PRSS55: variants seen among roughly 807,000 people sequenced by gnomAD.
The protein encoded by PRSS55 is probable serine protease UNQ9391/PRO34284.
A neutral mutation model predicts 23.6 loss-of-function variants in PRSS55; 41 were observed. The observed-to-expected ratio is 1.74, with a 90% confidence interval of 1.35 to 2.26. The LOEUF is 2.26. Ranked by LOEUF, PRSS55 falls within the 30% of genes most tolerant of loss-of-function variation. The pLI is 0.00. For synonymous variants in PRSS55, 262 were observed against 175.5 expected (o/e 1.49, Z -3.90); for missense variants, 669 against 439.1 (o/e 1.52, Z -4.68).
chr8:10,540,860 G>C (rs1812636014), downstream of PRSS55: 1 of 152,286 alleles, frequency 6.6e-6, no homozygotes, highest in East Asian at 1.9e-4. Flanking sequence ...AGGCCCAGTG[G>C]AGGGTGGCCA....
downstream of PRSS55, among the ~76,000 whole-genome samples, chr8:10,543,192 A>G (rs1489683046): frequency 1.3e-5 from 2 of 151,950 alleles, no homozygotes; most frequent in Non-Finnish European, 2.9e-5. Context: ...AAGTCCCAGA[A>G]CTTCACCTGG....
chr8:10,531,670 C>A, intron 3 of PRSS55, 125 bp downstream of exon 3: 1 of 1,382,400 alleles, frequency 7.2e-7, no homozygotes, highest in Non-Finnish European at 9.7e-7. Flanking sequence ...TGGAGTCTCA[C>A]AGTGCCCAAA....
Position 10,529,625 on chromosome 8 carries a change from T to G in PRSS55, c.273T>G (p.Pro91=). 6.2e-7 allele frequency: 1 copy of G among 1,614,202 alleles called. No individual in the cohort carries two copies. The highest frequency in any genetic ancestry group is 8.5e-7 in the Non-Finnish European group (1 of 1,180,022). Reference sequence around the variant, plus strand: ...TGAGTATTCAGGCAAGAAGTGAACCTTTCTGTGGCGGCTCCATCCTCAACA... The same window carrying G: ...TGAGTATTCAGGCAAGAAGTGAACCGTTCTGTGGCGGCTCCATCCTCAACA... ...WQVSIQARSE[P]FCGGSILNKW... Residue 91 remains proline (P), a synonymous_variant, in exon 2 of 5, where the codon CCT becomes CCG. Coordinates refer to ENST00000328655, the MANE Select transcript of PRSS55 (RefSeq NM_198464.4).
intron 4 of PRSS55, among the ~76,000 whole-genome samples, chr8:10,544,777 T>G (rs1222491133): frequency 1.3e-5 from 2 of 152,248 alleles, no homozygotes; most frequent in Admixed American, 1.3e-4. Flanking sequence ...AGATCAAAAC[T>G]TTCTTCCTAC....
At chr8:10,530,553 C>G (rs1281934358) in intron 2 of PRSS55, among the ~76,000 whole-genome samples, 1 of 152,030 alleles carries the variant, frequency 6.6e-6, no homozygotes, top group Non-Finnish European at 1.5e-5. Flanking sequence ...AATGAATAGC[C>G]CTCGTTTATA....
At chr8:10,530,273 G>C (rs571517616) in intron 2 of PRSS55, among the ~76,000 whole-genome samples, 1 of 152,048 alleles carries the variant, frequency 6.6e-6, no homozygotes. Context: ...TCAGGAGTTC[G>C]AGACTGGCCT....
chr8:10,537,904 G>T (rs1444917270), intron 4 of PRSS55, among the ~76,000 whole-genome samples: 2 of 152,164 alleles, frequency 1.3e-5, no homozygotes, highest in African/African-American at 2.4e-5. Flanking sequence ...GTGGGGCATG[G>T]CAGGGACTTG....
intron 4 of PRSS55, among the ~76,000 whole-genome samples, chr8:10,552,654 G>A (rs886562809): frequency 6.6e-6 from 1 of 152,166 alleles, no homozygotes; most frequent in Non-Finnish European, 1.5e-5. Context: ...CACATAAGTG[G>A]CTAAATGAAA....
chr8:10,529,237 A>G (rs528977316), intron 1 of PRSS55, among the ~76,000 whole-genome samples: 1 of 152,308 alleles, frequency 6.6e-6, no homozygotes, highest in East Asian at 1.9e-4. Context: ...AGCTCAGTGA[A>G]GTGACTCTCC....
intron 4 of PRSS55, among the ~76,000 whole-genome samples, chr8:10,534,190 C>T (rs188171303): frequency 1.8e-4 from 28 of 152,178 alleles, no homozygotes; most frequent in African/African-American, 6.5e-4. Flanking sequence ...ACGGAGTAAA[C>T]ACAATTCTCC....
chr8:10,554,101 G>C (rs1813010242), exon 5 of PRSS55: 1 of 1,019,666 alleles, frequency 9.8e-7, no homozygotes, highest in Non-Finnish European at 1.4e-6. Context: ...ATAGCCTTGA[G>C]TTGAAAATCT....
chr8:10,543,542 T>G (rs1280710394), downstream of PRSS55, among the ~76,000 whole-genome samples: 3 of 150,894 alleles, frequency 2.0e-5, no homozygotes, highest in Non-Finnish European at 4.4e-5. Context: ...GGCACCATTT[T>G]GTTTCCTTTA....
intron 2 of PRSS55, 39 bp from the exon 3 acceptor site, chr8:10,531,256 T>C: frequency 6.2e-7 from 1 of 1,608,788 alleles, no homozygotes; most frequent in Non-Finnish European, 8.5e-7. Flanking sequence ...AGACTTCCCT[T>C]CCCCTTCCAC....
chr8:10,538,725 G>C lies in PRSS55; in HGVS notation c.991G>C (p.Gly331Arg), dbSNP rs772341265. The C allele has an allele frequency of 1.2e-6, 2 of 1,613,272 alleles. No individual in the cohort carries two copies. The highest frequency in any genetic ancestry group is 1.3e-5 in the African/African-American group (1 of 74,826). Reference protein sequence around the residue: ...GSPVSGVPEPGSPRSWLLLCP... With the variant: ...GSPVSGVPEPRSPRSWLLLCP... ...CCCAGTCTCGGGAGTCCCAGAGCCA[G>C]GCAGCCCCAGATCCTGGCTCCTGCT... The change falls in exon 5 of 5, where the codon GGC (glycine) becomes CGC (arginine). Residue 331 changes from glycine to arginine, a missense_variant. Physicochemically the swap from Gly to Arg is moderately radical, Grantham distance 125. Coordinates refer to ENST00000328655, the MANE Select transcript of PRSS55 (RefSeq NM_198464.4).
chr8:10,544,948 G>C, intron 4 of PRSS55: 2 of 924,730 alleles, frequency 2.2e-6, no homozygotes, highest in African/African-American at 1.8e-5. Flanking sequence ...TGTATTTATA[G>C]AATTTTTATA....
At chr8:10,537,312 G>T (rs887604587) in intron 4 of PRSS55, among the ~76,000 whole-genome samples, 1 of 152,160 alleles carries the variant, frequency 6.6e-6, no homozygotes, top group African/African-American at 2.4e-5. Context: ...ATGAAATCCT[G>T]TCCTTTACAA....
At chr8:10,526,018 G>A (rs1812010159) in intron 1 of PRSS55, among the ~76,000 whole-genome samples, 2 of 152,156 alleles carry the variant, frequency 1.3e-5, no homozygotes, top group African/African-American at 4.8e-5. Flanking sequence ...CTCCCACTTG[G>A]AGGGGGACCA....
intron 3 of PRSS55, 80 bp from the exon 4 acceptor site, chr8:10,532,826 C>T (rs563345673): frequency 2.5e-5 from 39 of 1,571,920 alleles, no homozygotes; most frequent in East Asian, 1.6e-4. Context: ...GACACAGGGC[C>T]GAGGGCACAG....
intron 1 of PRSS55, among the ~76,000 whole-genome samples, chr8:10,528,553 C>G (rs1812120164): frequency 6.6e-6 from 1 of 152,252 alleles, no homozygotes; most frequent in African/African-American, 2.4e-5. Context: ...CCTGCCTCAG[C>G]ACAGGCGCTA....
Sources: allele counts gnomAD v4.1 joint callset (sites outside exome capture counted in the v4.1 genomes callset), GRCh38; gene constraint gnomAD v4.1.1; transcripts MANE v1.5; gene names NCBI Gene and HGNC (gene_info 2026-07-23, HGNC 2026-07-21).